TAFA5: variants seen among roughly 807,000 people sequenced by gnomAD.
TAFA5 encodes the protein TAFA chemokine like family member 5.
Under a neutral mutation model 15.3 loss-of-function variants are expected in TAFA5, and 6 were observed. That is an observed-to-expected ratio of 0.39 (90% CI 0.21 to 0.77). The LOEUF (loss-of-function observed/expected upper bound fraction) is 0.77, where lower values mean the gene tolerates loss of function less well. Among genes scored for constraint, TAFA5 ranks in the 30% least tolerant of loss-of-function variants. The pLI is 0.41. For synonymous variants in TAFA5, 103 were observed against 80.7 expected, an observed-to-expected ratio of 1.28 and a Z score of -1.48; for missense variants, 161 against 193.1, an observed-to-expected ratio of 0.83 and a Z score of 0.98.
At chr22:48,593,807 G>GGC (rs1555890698) in intron 1 of TAFA5, among the ~76,000 whole-genome samples, 2 of 152,052 alleles carry the variant, frequency 1.3e-5, no homozygotes, top group Non-Finnish European at 2.9e-5. Flanking sequence ...GAGCTCCCCC[G>GGC]AGGCCAAGTC....
chr22:48,548,156 C>A (rs1922740315), intron 1 of TAFA5, among the ~76,000 whole-genome samples: 1 of 152,202 alleles, frequency 6.6e-6, no homozygotes, highest in Non-Finnish European at 1.5e-5. Context: ...GGGATCTGGC[C>A]CCGTGGGGCT....
At position 48,530,113 on chromosome 22, in the gene TAFA5, C is replaced by A. The variant is rs893726441; in HGVS notation, c.112+40409C>A. On this transcript the variant is annotated intron_variant, in intron 1 of 3. Coordinates refer to ENST00000402357, the MANE Select transcript of TAFA5 (RefSeq NM_001082967.3). This position sits in a 1 kb window ranked among gnomAD's most constrained non-coding sequence, Gnocchi z 6.0. Reference sequence around the variant, plus strand: ...GAGGGAAGCCCTGGCGTCTGCAGACCCTCCTGTACTGATGACCTGTACCAC... The same window carrying A: ...GAGGGAAGCCCTGGCGTCTGCAGACACTCCTGTACTGATGACCTGTACCAC... Among the ~76,000 whole-genome samples, 1 of 152,078 alleles carries A rather than the reference C, an allele frequency of 6.6e-6. No homozygotes were observed. Among genetic ancestry groups the A allele is most frequent in the Non-Finnish European group, 1.5e-5 (1 of 68,016 alleles).
At chr22:48,691,219 G>A (rs1452620427) in intron 2 of TAFA5, among the ~76,000 whole-genome samples, 3 of 152,162 alleles carry the variant, frequency 2.0e-5, no homozygotes, top group African/African-American at 4.8e-5. Flanking sequence ...AGGTGCAGGG[G>A]CCACTTCTGG....
intron 2 of TAFA5, among the ~76,000 whole-genome samples, chr22:48,648,476 T>G: frequency 6.6e-6 from 1 of 151,962 alleles, no homozygotes; most frequent in East Asian, 1.9e-4. Flanking sequence ...GGAGAAGGGA[T>G]GGGGCGTACA....
chr22:48,660,945 A>AG (rs11429216), intron 2 of TAFA5, among the ~76,000 whole-genome samples: 112,955 of 151,618 alleles, frequency 0.74, 42,209 homozygotes, highest in South Asian at 0.82. Flanking sequence ...TCTCAGAGTT[A>AG]GGGTCGTGTC....
intron 1 of TAFA5, among the ~76,000 whole-genome samples, chr22:48,521,184 T>C (rs1921588340): frequency 6.6e-6 from 1 of 152,212 alleles, no homozygotes; most frequent in South Asian, 2.1e-4. Context: ...ATCGCTCCTC[T>C]GGCTTCATTT....
chr22:48,655,631 T>G (rs1254946400), intron 2 of TAFA5, among the ~76,000 whole-genome samples: 1 of 152,082 alleles, frequency 6.6e-6, no homozygotes, highest in Non-Finnish European at 1.5e-5. Context: ...CACTGCTGCA[T>G]TGGGGGTTAA....
At chr22:48,719,954 T>G (rs1929519857) in intron 3 of TAFA5, among the ~76,000 whole-genome samples, 2 of 152,234 alleles carry the variant, frequency 1.3e-5, no homozygotes. Context: ...TATTTCTGTC[T>G]GCACTTTGGG....
chr22:48,639,783 C>T (rs1926606980), intron 1 of TAFA5, among the ~76,000 whole-genome samples: 1 of 152,156 alleles, frequency 6.6e-6, no homozygotes, highest in Non-Finnish European at 1.5e-5. Context: ...GGACCTGTAC[C>T]CACCTCTACT....
intron 1 of TAFA5, among the ~76,000 whole-genome samples, chr22:48,601,815 T>G (rs775689203): frequency 2.8e-4 from 42 of 152,210 alleles, no homozygotes; most frequent in Non-Finnish European, 5.3e-4. Flanking sequence ...GCCCTACGCC[T>G]TTCCACGTTT....
chr22:48,691,837 C>G (rs1002019106), intron 2 of TAFA5, among the ~76,000 whole-genome samples: 5 of 152,142 alleles, frequency 3.3e-5, no homozygotes, highest in East Asian at 1.9e-4. Context: ...GACTCGGGCC[C>G]CAACTGTCTG....
chr22:48,557,557 C>T (rs1041229620), intron 1 of TAFA5, among the ~76,000 whole-genome samples: 1 of 152,194 alleles, frequency 6.6e-6, no homozygotes, highest in African/African-American at 2.4e-5. Flanking sequence ...GTGACCACGG[C>T]GGCTCCTTGC....
At chr22:48,613,572 C>T (rs1218491093) in intron 1 of TAFA5, among the ~76,000 whole-genome samples, 6 of 152,200 alleles carry the variant, frequency 3.9e-5, no homozygotes, top group Non-Finnish European at 5.9e-5. Flanking sequence ...GCCAGGCGCT[C>T]ATCTCGCCTT....
At chr22:48,599,156 T>C (rs1352057967) in intron 1 of TAFA5, among the ~76,000 whole-genome samples, 1 of 152,194 alleles carries the variant, frequency 6.6e-6, no homozygotes, top group East Asian at 1.9e-4. Flanking sequence ...ATATGATTGA[T>C]TAAATCCTTG....
At chr22:48,542,263 T>G (rs918002860) in intron 1 of TAFA5, among the ~76,000 whole-genome samples, 2 of 135,416 alleles carry the variant, frequency 1.5e-5, no homozygotes, top group African/African-American at 5.7e-5. Flanking sequence ...TGTATGTGTG[T>G]GTGGTGTGTG....
In TAFA5 at chr22:48,631,988, G is replaced by A. The variant is rs1401276141; in HGVS notation, c.113-14609G>A. Among the ~76,000 whole-genome samples the A allele has an allele frequency of 1.5e-4, 23 of 152,310 alleles. No homozygotes were observed. In the East Asian group the frequency reaches 4.3e-3, roughly 28 times the overall value. Reference sequence around the variant, plus strand: ...TGGCAGGGGTCCAGCCAGACACACGGCTCGGTACAGGGCCTGCAATCCTGT... The same window carrying A: ...TGGCAGGGGTCCAGCCAGACACACGACTCGGTACAGGGCCTGCAATCCTGT... On this transcript the variant is annotated intron_variant, in intron 1 of 3. Transcript: ENST00000402357.
At chr22:48,527,658 C>T (rs1334485456) in intron 1 of TAFA5, among the ~76,000 whole-genome samples, 8 of 152,220 alleles carry the variant, frequency 5.3e-5, no homozygotes, top group Non-Finnish European at 1.2e-4. Flanking sequence ...CTGTTGGAAG[C>T]CCTGTGGGAA....
At chr22:48,531,606 A>G (rs1921974910) in intron 1 of TAFA5, among the ~76,000 whole-genome samples, 1 of 152,142 alleles carries the variant, frequency 6.6e-6, no homozygotes, top group African/African-American at 2.4e-5. Context: ...GGCTTTGTGC[A>G]GGGGACTCTA....
intron 2 of TAFA5, among the ~76,000 whole-genome samples, chr22:48,660,670 G>A (rs550663036): frequency 2.0e-4 from 31 of 152,342 alleles, no homozygotes; most frequent in Admixed American, 6.5e-4. Flanking sequence ...CTGGAGCTGC[G>A]GAGGGTGTGC....
Sources: allele counts gnomAD v4.1 joint callset (sites outside exome capture counted in the v4.1 genomes callset), GRCh38; gene constraint gnomAD v4.1.1; non-coding constraint Gnocchi (gnomAD v3.1); transcripts MANE v1.5; gene names NCBI Gene and HGNC (gene_info 2026-07-23, HGNC 2026-07-21).